The following ART3 variants were observed in gnomAD, a reference collection of about 807,000 sequenced individuals.
ART3 encodes ecto-ADP-ribosyltransferase 3.
ART3 carries 49 observed loss-of-function variants against 48.5 expected under a neutral mutation model. The observed-to-expected ratio is 1.01, with a 90% CI of 0.80 to 1.28. The LOEUF (loss-of-function observed/expected upper bound fraction) is 1.28. Ranked by LOEUF, ART3 falls within the 50% of genes most tolerant of loss-of-function variation. ART3 has a pLI of 0.00. For synonymous variants in ART3, 145 were observed against 157.2 expected, an observed-to-expected ratio of 0.92 and a Z score of 0.58; for missense variants, 438 against 454.3, an observed-to-expected ratio of 0.96 and a Z score of 0.33.
chr4:76,078,809 G>A (rs545274717), intron 2 of ART3, among the ~76,000 whole-genome samples: 4 of 152,278 alleles, frequency 2.6e-5, no homozygotes, highest in Non-Finnish European at 4.4e-5. Flanking sequence ...GGCCGGGCAC[G>A]GTGGCTCACG....
At chr4:76,111,226 C>T (rs1477984269) in intron 11 of ART3, among the ~76,000 whole-genome samples, 1 of 152,024 alleles carries the variant, frequency 6.6e-6, no homozygotes, top group African/African-American at 2.4e-5. Context: ...TCTCACAGTT[C>T]TCCTGTATTT....
At chr4:76,019,610 C>A (rs995372548) in intron 1 of ART3, among the ~76,000 whole-genome samples, 4 of 126,602 alleles carry the variant, frequency 3.2e-5, no homozygotes, top group Non-Finnish European at 6.7e-5. Context: ...CCCGCCACTA[C>A]GCCTGGCTAA....
chr4:76,032,472 G>A (rs1465707458), intron 1 of ART3, among the ~76,000 whole-genome samples: 1 of 151,690 alleles, frequency 6.6e-6, no homozygotes, highest in African/African-American at 2.4e-5. Flanking sequence ...CTCCCAAAGT[G>A]CTCAGATTAT....
intron 1 of ART3, among the ~76,000 whole-genome samples, chr4:76,063,635 A>C (rs914158581): frequency 1.3e-5 from 2 of 152,166 alleles, no homozygotes; most frequent in African/African-American, 4.8e-5. Context: ...AGAATTTCCC[A>C]ATAGGTATTT....
chr4:76,021,796 T>G, intron 1 of ART3: 1 of 854,200 alleles, frequency 1.2e-6, no homozygotes, highest in Non-Finnish European at 2.0e-6. Flanking sequence ...CCATCATTGG[T>G]CACCTTTTAG....
At chr4:76,034,405 A>G (rs1560585291) in intron 1 of ART3, 1 of 463,880 alleles carries the variant, frequency 2.2e-6, no homozygotes, top group East Asian at 3.5e-5. Flanking sequence ...TCACAACAGA[A>G]TAGTTGTAAG....
chr4:76,112,058 A>T (rs1389962584), intron 11 of ART3: 1 of 216,406 alleles, frequency 4.6e-6, no homozygotes, highest in Non-Finnish European at 9.1e-6. Context: ...AAAATATGTT[A>T]ATCAACAATT....
chr4:76,031,419 G>A (rs1733862086), intron 1 of ART3, among the ~76,000 whole-genome samples: 1 of 152,134 alleles, frequency 6.6e-6, no homozygotes, highest in African/African-American at 2.4e-5. Flanking sequence ...ATACAGACCT[G>A]AGATATTGCA....
intron 1 of ART3, among the ~76,000 whole-genome samples, chr4:76,075,505 T>G (rs9990658): frequency 0.21 from 31,372 of 152,058 alleles, 5,513 homozygotes; most frequent in African/African-American, 0.48. Flanking sequence ...GAGACTGCTG[T>G]TTTTTAGTCT....
chr4:76,081,715 C>A, intron 2 of ART3, 109 bp from the exon 3 acceptor site: 1 of 1,167,262 alleles, frequency 8.6e-7, no homozygotes, highest in Non-Finnish European at 1.2e-6. Flanking sequence ...GGTTATAAGT[C>A]AGGCGAGAAT....
intron 1 of ART3, among the ~76,000 whole-genome samples, chr4:76,056,692 C>T (rs73825721): frequency 0.025 from 3,865 of 152,070 alleles, 151 homozygotes; most frequent in African/African-American, 0.086. Flanking sequence ...TGACATCTCA[C>T]GTTGAGATTT....
intron 1 of ART3, among the ~76,000 whole-genome samples, chr4:76,066,298 A>G (rs11097222): frequency 0.59 from 89,044 of 151,886 alleles, 26,955 homozygotes; most frequent in East Asian, 0.94. Context: ...AGGTATGCAG[A>G]CAAATGAAGG....
chr4:76,101,391 T>C (rs1727277232), intron 8 of ART3, among the ~76,000 whole-genome samples: 1 of 152,244 alleles, frequency 6.6e-6, no homozygotes, highest in Admixed American at 6.5e-5. Flanking sequence ...GATTAATATA[T>C]GCCATTAGCT....
At chr4:76,042,374 C>A (rs1735050095) in intron 1 of ART3, among the ~76,000 whole-genome samples, 1 of 152,084 alleles carries the variant, frequency 6.6e-6, no homozygotes, top group Non-Finnish European at 1.5e-5. Flanking sequence ...CTAATGTTTC[C>A]ATTTATTATA....
chr4:76,085,461 C>G lies in ART3; in HGVS notation c.781+2926C>G, dbSNP rs114330376. Among the ~76,000 whole-genome samples the G allele has an allele frequency of 2.5e-3, 375 of 152,258 alleles. 2 individuals carry two copies. The highest frequency in any genetic ancestry group is 8.6e-3 in the African/African-American group (356 of 41,552). ...GGAAGTCCTCACTCTTAGGGCTGTA[C>G]CTGCACTTGTATATTCCTGAGAGTG... On this transcript the variant is annotated intron_variant, in intron 3 of 11. Transcript: ENST00000355810.
intron 10 of ART3, chr4:76,107,412 A>T (rs1728686687): frequency 6.2e-6 from 1 of 161,432 alleles, no homozygotes; most frequent in South Asian, 2.0e-4. Flanking sequence ...AGTAAAGGTG[A>T]CAGTGTACAT....
intron 1 of ART3, among the ~76,000 whole-genome samples, chr4:76,068,331 T>G (rs1719947402): frequency 6.6e-6 from 1 of 152,200 alleles, no homozygotes; most frequent in African/African-American, 2.4e-5. Flanking sequence ...GTATTAATAG[T>G]TTATTCTTTT....
chr4:76,088,260 T>C (rs1724048767), intron 3 of ART3, among the ~76,000 whole-genome samples: 1 of 151,978 alleles, frequency 6.6e-6, no homozygotes, highest in African/African-American at 2.4e-5. Flanking sequence ...TTTTTTTTTT[T>C]TACTGAACAG....
chr4:76,104,451 T>C, intron 9 of ART3, 146 bp from the exon 10 acceptor site: 1 of 1,463,278 alleles, frequency 6.8e-7, no homozygotes, highest in Non-Finnish European at 9.0e-7. Flanking sequence ...AGGGTTTACG[T>C]AAGCAGAACT....
Sources: gnomAD v4.1 joint callset for allele counts (sites outside exome capture counted in the v4.1 genomes callset) on GRCh38, gnomAD v4.1.1 for gene constraint, MANE v1.5 for transcripts, NCBI Gene and HGNC (gene_info 2026-07-23, HGNC 2026-07-21) for gene names.